Variants in PCMTD1 observed in about 807,000 individuals in gnomAD.
The protein encoded by PCMTD1 is protein-L-isoaspartate (D-aspartate) O-methyltransferase domain containing 1.
PCMTD1 carries 12 observed loss-of-function variants against 37.6 expected under a neutral mutation model. That is an observed-to-expected ratio of 0.32 (90% CI 0.20 to 0.52). The LOEUF (loss-of-function observed/expected upper bound fraction) is 0.52, where lower values mean the gene tolerates loss of function less well. Among genes scored for constraint, PCMTD1 ranks in the 20% least tolerant of loss-of-function variants. The pLI is 0.97. For missense variants in PCMTD1, 235 were observed against 421.3 expected, an observed-to-expected ratio of 0.56 and a Z score of 3.87; for synonymous variants, 117 against 135.8, an observed-to-expected ratio of 0.86 and a Z score of 0.96.
Position 51,821,928 on chromosome 8 carries a change from G to C in PCMTD1, c.707-1210C>G, listed in dbSNP as rs2037854732. ...TTTTTTGTATTTTTAGTACAGATGG[G>C]GTTTCACCATGTTAGTCAGGATGGT... On this transcript the variant is annotated intron_variant, in intron 5 of 5. Transcript: ENST00000522514. 3.3e-5 allele frequency among the ~76,000 whole-genome samples: 5 copies of C among 152,002 alleles called. No individual in the cohort carries two copies. The South Asian group carries it at 1.0e-3, about 32-fold the overall frequency.
At chr8:51,892,926 G>C (rs904690440) in intron 1 of PCMTD1, among the ~76,000 whole-genome samples, 2 of 152,200 alleles carry the variant, frequency 1.3e-5, no homozygotes, top group African/African-American at 4.8e-5. Context: ...GGGAGGCTGA[G>C]GAAGATACAT....
At position 51,818,239 on chromosome 8, in the gene PCMTD1, TAA is replaced by T. The variant is rs2037788278; in HGVS notation, c.*2110_*2111del. 3.5e-6 allele frequency: 1 copy of T among 287,940 alleles called. No homozygotes were observed. The highest frequency in any genetic ancestry group is 2.3e-5 in the African/African-American group (1 of 43,726). 17.8% of individuals were successfully genotyped at this position (287,940 alleles called of 1,614,324 possible). On this transcript the variant is annotated 3_prime_UTR_variant, in exon 6 of 6. Transcript: ENST00000522514. The stretch of plus-strand genomic sequence containing the variant: ...TGTAAAATGAATGCATTTAAAAACA[TAA>T]AAGATACATTTCAATGACAAGAAAT...
rs145540022 is a variant in PCMTD1 at position 51,894,506 on chromosome 8, A to C, written c.-96+4424T>G. Among the ~76,000 whole-genome samples the C allele has an allele frequency of 3.3e-5, 5 of 152,298 alleles. No individual in the cohort carries two copies. In the East Asian group the frequency reaches 9.6e-4, roughly 29 times the overall value. ...TACTAACAACTCCTTCAAGATCATG[A>C]AGTTCCAATTTCTTCACCTGTAGAA... On this transcript the variant is annotated intron_variant, in intron 1 of 5. Coordinates refer to ENST00000522514, the MANE Select transcript of PCMTD1 (RefSeq NM_052937.4).
upstream of PCMTD1, chr8:51,899,185 C>T: frequency 8.7e-6 from 11 of 1,261,726 alleles, no homozygotes; most frequent in Non-Finnish European, 1.1e-5. Flanking sequence ...ACGCCCCCAT[C>T]TGGCCCCGCC....
chr8:51,873,305 C>T (rs561761800), intron 1 of PCMTD1, among the ~76,000 whole-genome samples: 2 of 152,208 alleles, frequency 1.3e-5, no homozygotes, highest in Admixed American at 1.3e-4. Flanking sequence ...ATTCATAAAT[C>T]TTATGCACTA....
chr8:51,827,278 T>C, intron 5 of PCMTD1: 1 of 1,222,524 alleles, frequency 8.2e-7, no homozygotes, highest in South Asian at 1.4e-5. Flanking sequence ...CTTTTCTCCT[T>C]ATTGTAGAAT....
At chr8:51,841,180 A>G (rs1269176529) in intron 3 of PCMTD1, among the ~76,000 whole-genome samples, 3 of 152,174 alleles carry the variant, frequency 2.0e-5, no homozygotes, top group Non-Finnish European at 4.4e-5. Context: ...AAATGTGAAC[A>G]CCAATTAATA....
intron 3 of PCMTD1, among the ~76,000 whole-genome samples, chr8:51,842,103 G>A (rs1211960730): frequency 1.3e-5 from 2 of 152,098 alleles, no homozygotes; most frequent in Non-Finnish European, 1.5e-5. Flanking sequence ...GAGAATTTCA[G>A]TGAATTTTAA....
intron 5 of PCMTD1, among the ~76,000 whole-genome samples, chr8:51,829,969 C>T (rs2037976662): frequency 6.6e-6 from 1 of 152,084 alleles, no homozygotes; most frequent in Non-Finnish European, 1.5e-5. Flanking sequence ...AATTTTACCT[C>T]ATGGTTAAAA....
intron 3 of PCMTD1, chr8:51,839,373 T>C (rs1168470400): frequency 4.9e-6 from 4 of 809,414 alleles, no homozygotes; most frequent in African/African-American, 1.9e-5. Flanking sequence ...ATGAAAAAAA[T>C]ATAGAGCACA....
chr8:51,862,641 TAGAG>T (rs1474889828), intron 1 of PCMTD1, among the ~76,000 whole-genome samples: 1 of 152,100 alleles, frequency 6.6e-6, no homozygotes, highest in Non-Finnish European at 1.5e-5. Context: ...CTCCTGACCA[TAGAG>T]AAGTATACCA....
intron 1 of PCMTD1, chr8:51,896,394 T>G (rs1441239841): frequency 6.6e-6 from 1 of 152,190 alleles, no homozygotes; most frequent in Non-Finnish European, 1.5e-5. Flanking sequence ...ATAAGTAAAT[T>G]TTAATCCTTT....
intron 2 of PCMTD1, among the ~76,000 whole-genome samples, chr8:51,859,812 CT>C (rs1219437010): frequency 2.0e-5 from 3 of 152,166 alleles, no homozygotes; most frequent in African/African-American, 7.2e-5. Flanking sequence ...TTCCCCATCA[CT>C]TTAGAATGAA....
chr8:51,853,488 T>C (rs1006353244), intron 2 of PCMTD1, among the ~76,000 whole-genome samples: 16 of 152,148 alleles, frequency 1.1e-4, no homozygotes, highest in Non-Finnish European at 2.2e-4. Context: ...GTTTAGTACT[T>C]TTCTCAAAGT....
intron 1 of PCMTD1, among the ~76,000 whole-genome samples, chr8:51,876,569 T>C (rs1456621502): frequency 6.6e-6 from 1 of 152,188 alleles, no homozygotes; most frequent in East Asian, 1.9e-4. Flanking sequence ...AAACTAGGGT[T>C]CCTTGGTAAA....
Position 51,824,615 on chromosome 8 carries a change from T to C in PCMTD1, c.707-3897A>G, listed in dbSNP as rs189343336. 1.0e-3 allele frequency among the ~76,000 whole-genome samples: 153 copies of C among 152,310 alleles called. 2 individuals are homozygous for C. Among genetic ancestry groups the C allele is most frequent in the Non-Finnish European group, 5.3e-4 (36 of 68,030 alleles). On this transcript the variant is annotated intron_variant, in intron 5 of 5. Coordinates refer to ENST00000522514, the MANE Select transcript of PCMTD1 (RefSeq NM_052937.4). Reference sequence around the variant, plus strand: ...AGAATCAATATCATGAAAATGGCCATACTGTCCATAGTAATTTATAGATTC... The same window carrying C: ...AGAATCAATATCATGAAAATGGCCACACTGTCCATAGTAATTTATAGATTC...
intron 1 of PCMTD1, among the ~76,000 whole-genome samples, chr8:51,878,794 A>C (rs2038751237): frequency 1.3e-5 from 2 of 151,850 alleles, no homozygotes; most frequent in Admixed American, 1.3e-4. Context: ...ATGGAAGAGA[A>C]GGCTATTTTG....
intron 5 of PCMTD1, chr8:51,827,421 C>A: frequency 1.9e-6 from 1 of 534,898 alleles, no homozygotes; most frequent in Non-Finnish European, 3.3e-6. Context: ...AAATTGTGAG[C>A]TGTTCTGAGT....
intron 1 of PCMTD1, among the ~76,000 whole-genome samples, chr8:51,882,818 T>TAAAAAAAA (rs34942203): frequency 1.5e-5 from 2 of 137,602 alleles, no homozygotes; most frequent in Non-Finnish European, 3.1e-5. Context: ...ATAGCATACT[T>TAAAAAAAA]AAAAAAAAAA....
Sources: allele counts gnomAD v4.1 joint callset (sites outside exome capture counted in the v4.1 genomes callset), GRCh38; gene constraint gnomAD v4.1.1; transcripts MANE v1.5; gene names NCBI Gene and HGNC (gene_info 2026-07-23, HGNC 2026-07-21).